The following PLEKHA6 variants were observed in gnomAD, a reference collection of about 807,000 sequenced individuals.
The protein encoded by PLEKHA6 is pleckstrin homology domain-containing family A member 6.
Under a neutral mutation model 116.7 loss-of-function variants are expected in PLEKHA6, and 60 were observed. The ratio of observed to expected loss-of-function variants is 0.51; its 90% CI spans 0.42 to 0.64. PLEKHA6 has a LOEUF of 0.64. Ranked by LOEUF, PLEKHA6 falls within the 30% of genes least tolerant of loss-of-function variation. The probability of loss-of-function intolerance (pLI) is 0.00; values close to 1 mark genes in which losing one functional copy is unlikely to be tolerated. For missense variants in PLEKHA6, 1,338 were observed against 1,422.7 expected, an observed-to-expected ratio of 0.94 and a Z score of 0.96; for synonymous variants, 489 against 556.1, an observed-to-expected ratio of 0.88 and a Z score of 1.70.
chr1:204,274,204 T>C (rs1667777165), intron 2 of PLEKHA6, among the ~76,000 whole-genome samples: 1 of 152,250 alleles, frequency 6.6e-6, no homozygotes, highest in Admixed American at 6.5e-5. Flanking sequence ...AATGCTGAGA[T>C]TACAGGCATG....
intron 3 of PLEKHA6, among the ~76,000 whole-genome samples, chr1:204,271,208 C>T (rs1216117985): frequency 6.6e-6 from 1 of 152,062 alleles, no homozygotes; most frequent in Non-Finnish European, 1.5e-5. Flanking sequence ...TCCAGTGTGG[C>T]CCAGGGAAGC....
intron 22 of PLEKHA6, 81 bp from the exon 23 acceptor site, chr1:204,222,860 C>T (rs1045705246): frequency 6.5e-6 from 1 of 154,636 alleles, no homozygotes; most frequent in African/African-American, 2.4e-5. Flanking sequence ...GAAAAAGAAG[C>T]CTCATCCTGC....
chr1:204,360,384 C>CCG (rs1673532479), upstream of PLEKHA6, among the ~76,000 whole-genome samples: 1 of 66,824 alleles, frequency 1.5e-5, no homozygotes, highest in South Asian at 4.8e-4. Flanking sequence ...CCATCCCCCG[C>CCG]CCCCCCCCCA....
chr1:204,241,303 G>A (rs1662772508), intron 17 of PLEKHA6, 72 bp downstream of exon 17: 3 of 890,132 alleles, frequency 3.4e-6, no homozygotes, highest in Non-Finnish European at 3.6e-6. Context: ...AGAGGGAGAT[G>A]AGTAGGTACA....
At chr1:204,249,867 T>C (rs1055088415) in intron 10 of PLEKHA6, among the ~76,000 whole-genome samples, 2 of 152,188 alleles carry the variant, frequency 1.3e-5, no homozygotes, top group African/African-American at 2.4e-5. Context: ...GGGCTCATGC[T>C]TTCCTAGTCC....
intron 15 of PLEKHA6, among the ~76,000 whole-genome samples, chr1:204,242,614 G>A (rs1423932027): frequency 6.6e-6 from 1 of 152,202 alleles, no homozygotes; most frequent in Admixed American, 6.5e-5. Flanking sequence ...TAGGGATGCA[G>A]GTGAGAGAAT....
At chr1:204,293,488 C>T (rs1669977927) in intron 1 of PLEKHA6, among the ~76,000 whole-genome samples, 1 of 152,086 alleles carries the variant, frequency 6.6e-6, no homozygotes, top group Non-Finnish European at 1.5e-5. Context: ...ACATTAAAAA[C>T]CCATGATGAA....
Position 204,228,380 on chromosome 1 carries a change from G to A in PLEKHA6, c.2886-152C>T. 2 of 740,564 alleles carry A rather than the reference G, an allele frequency of 2.7e-6. No individual in the cohort carries two copies. The highest frequency in any genetic ancestry group is 5.2e-5 in the East Asian group (2 of 38,128). The allele number at this position is 740,564 out of a possible 1,614,324, so 45.9% of individuals were successfully genotyped here. A position where few individuals can be genotyped will look rare whatever the true frequency, so the allele number is the denominator to read the frequency against. The stretch of plus-strand genomic sequence containing the variant: ...GCAAGGCTGTCCCTAGGAGTGAGTG[G>A]GACCCTGGCAAAACACAGGTTGGGA... On this transcript the variant is annotated intron_variant, in intron 20 of 22. Transcript: ENST00000272203. The surrounding 1 kb of genome is among the most constrained non-coding windows in gnomAD (Gnocchi z 4.0).
At chr1:204,306,568 G>A (rs1671330267) in intron 1 of PLEKHA6, among the ~76,000 whole-genome samples, 1 of 152,208 alleles carries the variant, frequency 6.6e-6, no homozygotes, top group South Asian at 2.1e-4. Flanking sequence ...CCTTGGGTTG[G>A]TTCAAGCTAA....
upstream of PLEKHA6, chr1:204,378,105 C>G (rs1186207679): frequency 2.6e-5 from 4 of 152,338 alleles, no homozygotes; most frequent in Admixed American, 2.0e-4. Flanking sequence ...AGAGCAGAAG[C>G]TGGAGCGGGG....
At chr1:204,356,327 C>T (rs1412010636) in intron 1 of PLEKHA6, among the ~76,000 whole-genome samples, 1 of 152,152 alleles carries the variant, frequency 6.6e-6, no homozygotes, top group Non-Finnish European at 1.5e-5. Context: ...AATCCCAGCA[C>T]TTTGGGAGGC....
At chr1:204,370,391 G>A (rs922389610) in intron 2 of PLEKHA6, among the ~76,000 whole-genome samples, 11 of 152,246 alleles carry the variant, frequency 7.2e-5, no homozygotes, top group Admixed American at 2.0e-4. Flanking sequence ...GCGCTGGAAG[G>A]CGAGAGGGGG....
In PLEKHA6 at chr1:204,261,268, T is replaced by C. The variant is rs902994965; in HGVS notation, c.524+38A>G. On this transcript the variant is annotated intron_variant, in intron 7 of 22. Transcript: ENST00000272203. This position sits in a 1 kb window ranked among gnomAD's most constrained non-coding sequence, Gnocchi z 4.0. ...GTGTGTCTTCCATTCCCCTCTTTATTCTTCCTGCACCCCCACACTCAATTC... is the reference window on the plus strand; with the variant it reads ...GTGTGTCTTCCATTCCCCTCTTTATCCTTCCTGCACCCCCACACTCAATTC... 1 of 1,612,754 alleles carries C rather than the reference T, an allele frequency of 6.2e-7. No homozygotes were observed. The highest frequency in any genetic ancestry group is 8.5e-7 in the Non-Finnish European group (1 of 1,178,776).
At chr1:204,292,577 G>A (rs375869735) in intron 1 of PLEKHA6, among the ~76,000 whole-genome samples, 12 of 150,844 alleles carry the variant, frequency 8.0e-5, no homozygotes, top group South Asian at 4.2e-4. Flanking sequence ...TGTGTCCCTC[G>A]CCCTGGCTGA....
chr1:204,276,785 G>T (rs747403574), intron 1 of PLEKHA6, among the ~76,000 whole-genome samples: 1 of 151,860 alleles, frequency 6.6e-6, no homozygotes, highest in Non-Finnish European at 1.5e-5. Flanking sequence ...TACAAATGAC[G>T]TCCTCATTCT....
chr1:204,283,029 T>C (rs1668795489), intron 1 of PLEKHA6, among the ~76,000 whole-genome samples: 1 of 152,190 alleles, frequency 6.6e-6, no homozygotes, highest in African/African-American at 2.4e-5. Flanking sequence ...CCCCGCCGCC[T>C]TCCAGCTCTG....
At chr1:204,282,894 C>G in intron 1 of PLEKHA6, 1 of 777,382 alleles carries the variant, frequency 1.3e-6, no homozygotes. Flanking sequence ...CTAAGCCAGA[C>G]AGAAGCAGAG....
At chr1:204,331,790 T>C (rs141288844) in intron 1 of PLEKHA6, among the ~76,000 whole-genome samples, 1 of 152,002 alleles carries the variant, frequency 6.6e-6, no homozygotes, top group East Asian at 1.9e-4. Flanking sequence ...CCTGGGAACA[T>C]GGAAACTGAG....
In PLEKHA6 at chr1:204,259,828, G is replaced by A. The variant is rs968985248; in HGVS notation, c.525-88C>T. ...TGCCAGACTGGGAAGAAGAGGAGTGGGGAAGGATGGGCAGGGAGGTGGCTG... is the reference window on the plus strand; with the variant it reads ...TGCCAGACTGGGAAGAAGAGGAGTGAGGAAGGATGGGCAGGGAGGTGGCTG... On this transcript the variant is annotated intron_variant, in intron 7 of 22. Coordinates refer to ENST00000272203, the MANE Select transcript of PLEKHA6 (RefSeq NM_014935.5). The surrounding 1 kb of genome is among the most constrained non-coding windows in gnomAD (Gnocchi z 4.6). 7.2e-7 allele frequency: 1 copy of A among 1,391,404 alleles called. No individual in the cohort carries two copies. The highest frequency in any genetic ancestry group is 1.4e-5 in the African/African-American group (1 of 69,418). 86.2% of individuals were successfully genotyped at this position (1,391,404 alleles called of 1,614,324 possible).
Sources: gnomAD v4.1 joint callset for allele counts (sites outside exome capture counted in the v4.1 genomes callset) on GRCh38, gnomAD v4.1.1 for gene constraint, Gnocchi (gnomAD v3.1) non-coding constraint, MANE v1.5 for transcripts, NCBI Gene and HGNC (gene_info 2026-07-23, HGNC 2026-07-21) for gene names.